GPM6A: variants seen among roughly 807,000 people sequenced by gnomAD.
GPM6A encodes neuronal membrane glycoprotein M6-a.
In GPM6A, 7 loss-of-function variants were observed where a neutral mutation model predicts 32.1. That is an observed-to-expected ratio of 0.22 (90% confidence interval 0.12 to 0.41). The LOEUF (loss-of-function observed/expected upper bound fraction) is 0.41. Among genes scored for constraint, GPM6A ranks in the 10% least tolerant of loss-of-function variants. GPM6A has a pLI of 1.00. For synonymous variants in GPM6A, 130 were observed against 123.4 expected (o/e 1.05, Z -0.35); for missense variants, 235 against 347.2 (o/e 0.68, Z 2.57).
chr4:175,961,335 C>T (rs571058323), intron 1 of GPM6A: 1 of 152,300 alleles, frequency 6.6e-6, no homozygotes, highest in East Asian at 1.9e-4. Flanking sequence ...GAAGTCACTA[C>T]TGCATTCTAA....
At chr4:175,751,017 A>G (rs1732314010) in intron 1 of GPM6A, among the ~76,000 whole-genome samples, 1 of 152,194 alleles carries the variant, frequency 6.6e-6, no homozygotes. Context: ...AATAAACATC[A>G]TAGATTAAAT....
At chr4:175,867,718 T>C (rs1736784326) in intron 1 of GPM6A, among the ~76,000 whole-genome samples, 1 of 152,122 alleles carries the variant, frequency 6.6e-6, no homozygotes, top group Non-Finnish European at 1.5e-5. Flanking sequence ...AAGTCAGGGG[T>C]CAGTCCTGCA....
intron 1 of GPM6A, among the ~76,000 whole-genome samples, chr4:175,904,969 C>T (rs528445542): frequency 2.6e-5 from 4 of 152,148 alleles, no homozygotes; most frequent in African/African-American, 9.6e-5. Context: ...TGGTGCCCTG[C>T]AAGTTAAACC....
intron 1 of GPM6A, among the ~76,000 whole-genome samples, chr4:175,834,461 G>C (rs971883923): frequency 7.9e-5 from 12 of 152,148 alleles, no homozygotes; most frequent in African/African-American, 2.9e-4. Context: ...CCTATTCACA[G>C]TTTGCATCTC....
intron 1 of GPM6A, among the ~76,000 whole-genome samples, chr4:175,968,615 A>G (rs577760347): frequency 5.3e-5 from 8 of 152,326 alleles, no homozygotes; most frequent in Admixed American, 3.3e-4. Context: ...AAAACGGACA[A>G]TAAATCTGAC....
chr4:175,717,470 C>T (rs1399399433), intron 1 of GPM6A, among the ~76,000 whole-genome samples: 2 of 152,080 alleles, frequency 1.3e-5, no homozygotes, highest in Non-Finnish European at 2.9e-5. Context: ...AATCTCATCA[C>T]TCACAGTGAC....
At chr4:175,997,598 G>A (rs1310549797) in intron 1 of GPM6A, among the ~76,000 whole-genome samples, 1 of 151,768 alleles carries the variant, frequency 6.6e-6, no homozygotes, top group Non-Finnish European at 1.5e-5. Flanking sequence ...AGGCATAAGG[G>A]ATTATCATCT....
intron 1 of GPM6A, among the ~76,000 whole-genome samples, chr4:175,880,395 T>A (rs1737231940): frequency 6.6e-6 from 1 of 152,216 alleles, no homozygotes; most frequent in South Asian, 2.1e-4. Flanking sequence ...CATATGAACT[T>A]TAAAGTAGTT....
At chr4:175,739,385 C>T (rs1424311448) in intron 1 of GPM6A, among the ~76,000 whole-genome samples, 2 of 152,116 alleles carry the variant, frequency 1.3e-5, no homozygotes, top group Non-Finnish European at 2.9e-5. Flanking sequence ...GACATGAGAT[C>T]TGCCATATTT....
chr4:175,961,615 C>A (rs538283031), intron 1 of GPM6A, among the ~76,000 whole-genome samples: 2 of 152,258 alleles, frequency 1.3e-5, no homozygotes, highest in African/African-American at 4.8e-5. Context: ...GGTCCCCACA[C>A]TTTTCGGAGT....
chr4:175,725,851 G>A (rs575881659), intron 1 of GPM6A, among the ~76,000 whole-genome samples: 2 of 152,092 alleles, frequency 1.3e-5, no homozygotes, highest in African/African-American at 4.8e-5. Flanking sequence ...GCAGTTCATT[G>A]GAGTAGATGC....
intron 1 of GPM6A, among the ~76,000 whole-genome samples, chr4:175,962,707 CA>C (rs1374439938): frequency 6.6e-6 from 1 of 151,404 alleles, no homozygotes; most frequent in Non-Finnish European, 1.5e-5. Context: ...CCAGACAGAC[CA>C]AAAAAACCCA....
chr4:175,874,704 G>A (rs1031253553), intron 1 of GPM6A, among the ~76,000 whole-genome samples: 3 of 152,138 alleles, frequency 2.0e-5, no homozygotes, highest in Non-Finnish European at 2.9e-5. Context: ...GACGAGAAAG[G>A]AAGTGTATGA....
chr4:175,866,362 C>T (rs1736734703), intron 1 of GPM6A, among the ~76,000 whole-genome samples: 1 of 152,142 alleles, frequency 6.6e-6, no homozygotes, highest in South Asian at 2.1e-4. Context: ...TGTATAAAGA[C>T]ACATACCTAT....
At chr4:175,690,988 T>C (rs1349005420) in intron 2 of GPM6A, among the ~76,000 whole-genome samples, 2 of 152,232 alleles carry the variant, frequency 1.3e-5, no homozygotes, top group Non-Finnish European at 2.9e-5. Context: ...ATTTCAAAAT[T>C]TTAAATCATC....
intron 1 of GPM6A, among the ~76,000 whole-genome samples, chr4:175,748,628 A>G (rs1253439168): frequency 2.6e-5 from 4 of 152,178 alleles, no homozygotes; most frequent in African/African-American, 9.6e-5. Flanking sequence ...CAGACAGAGT[A>G]GATTCAGCAT....
At chr4:175,869,090 C>T (rs995957650) in intron 1 of GPM6A, among the ~76,000 whole-genome samples, 5 of 152,148 alleles carry the variant, frequency 3.3e-5, no homozygotes, top group Admixed American at 2.6e-4. Flanking sequence ...TACTTCGAAA[C>T]ACCATCATGC....
chr4:175,985,584 C>A (rs1198141894), intron 1 of GPM6A, among the ~76,000 whole-genome samples: 2 of 152,086 alleles, frequency 1.3e-5, no homozygotes, highest in African/African-American at 4.8e-5. Context: ...ATTAGGAAAA[C>A]AAAGTCAGCG....
At chr4:175,798,682 TA>T (rs1734336301) in intron 1 of GPM6A, 1 of 152,190 alleles carries the variant, frequency 6.6e-6, no homozygotes, top group Admixed American at 6.5e-5. Context: ...CTATCACAGA[TA>T]GGTAAGTTTT....
Sources: gnomAD v4.1 joint callset for allele counts (sites outside exome capture counted in the v4.1 genomes callset) on GRCh38, gnomAD v4.1.1 for gene constraint, MANE v1.5 for transcripts, NCBI Gene and HGNC (gene_info 2026-07-23, HGNC 2026-07-21) for gene names.